EPHB1: variants seen among roughly 807,000 people sequenced by gnomAD.
The protein encoded by EPHB1 is ephrin type-B receptor 1.
A neutral mutation model predicts 94.4 loss-of-function variants in EPHB1; 30 were observed. That is an observed-to-expected ratio of 0.32 (90% CI 0.24 to 0.43). EPHB1 has a LOEUF of 0.43. Ranked by LOEUF, EPHB1 falls within the 20% of genes least tolerant of loss-of-function variation. EPHB1 has a pLI of 1.00. For synonymous variants in EPHB1, 522 were observed against 489.1 expected (o/e 1.07, Z -0.89); for missense variants, 1,055 against 1,308.3 (o/e 0.81, Z 2.99).
intron 3 of EPHB1, among the ~76,000 whole-genome samples, chr3:135,016,627 G>A (rs1418203819): frequency 6.6e-6 from 1 of 152,224 alleles, no homozygotes; most frequent in African/African-American, 2.4e-5. Flanking sequence ...GCCACCCAGT[G>A]CATCAGTCAT....
chr3:135,087,721 C>CA (rs954379464), intron 3 of EPHB1, among the ~76,000 whole-genome samples: 7 of 152,018 alleles, frequency 4.6e-5, no homozygotes, highest in African/African-American at 1.7e-4. Context: ...ATGCAAATAG[C>CA]AAAAAACTTA....
chr3:134,826,685 C>T (rs1462379176), intron 1 of EPHB1, among the ~76,000 whole-genome samples: 2 of 152,156 alleles, frequency 1.3e-5, no homozygotes, highest in South Asian at 4.1e-4. Context: ...AAATTAATCA[C>T]CCCCTTGTAG....
intron 11 of EPHB1, among the ~76,000 whole-genome samples, chr3:135,196,982 C>T (rs549440254): frequency 1.3e-4 from 20 of 151,866 alleles, no homozygotes; most frequent in Non-Finnish European, 2.2e-4. Flanking sequence ...TTCGGCTGGG[C>T]GCGGTGGCTC....
intron 4 of EPHB1, among the ~76,000 whole-genome samples, chr3:135,118,802 C>G (rs1312336145): frequency 6.6e-6 from 1 of 152,186 alleles, no homozygotes; most frequent in Non-Finnish European, 1.5e-5. Context: ...ACCGAGTATA[C>G]AGTTCCCCAT....
intron 3 of EPHB1, among the ~76,000 whole-genome samples, chr3:134,992,110 T>C (rs189138502): frequency 1.3e-5 from 2 of 152,182 alleles, no homozygotes; most frequent in African/African-American, 2.4e-5. Context: ...TTTCCTTTTT[T>C]AGTTTTTTAA....
chr3:134,894,340 G>A (rs1328726374), intron 1 of EPHB1, among the ~76,000 whole-genome samples: 1 of 152,128 alleles, frequency 6.6e-6, no homozygotes, highest in African/African-American at 2.4e-5. Flanking sequence ...CCCCTCTCTT[G>A]GGCCTCAGTT....
chr3:135,016,218 A>T (rs896655752), intron 3 of EPHB1, among the ~76,000 whole-genome samples: 1 of 152,228 alleles, frequency 6.6e-6, no homozygotes, highest in Non-Finnish European at 1.5e-5. Flanking sequence ...GGTTTGGGTC[A>T]CCTTAAAGTA....
chr3:134,933,731 C>G (rs1356950266), intron 2 of EPHB1, among the ~76,000 whole-genome samples: 3 of 152,164 alleles, frequency 2.0e-5, no homozygotes, highest in Non-Finnish European at 4.4e-5. Context: ...GATGCTGGCT[C>G]TCTTGCCAAC....
chr3:135,237,986 T>C (rs570681279), intron 12 of EPHB1, among the ~76,000 whole-genome samples: 1 of 152,188 alleles, frequency 6.6e-6, no homozygotes, highest in African/African-American at 2.4e-5. Context: ...CTGGTCACCA[T>C]CCTCTAAATT....
intron 2 of EPHB1, among the ~76,000 whole-genome samples, chr3:134,929,359 T>G (rs2038859575): frequency 6.6e-6 from 1 of 152,134 alleles, no homozygotes; most frequent in Non-Finnish European, 1.5e-5. Context: ...GAACTGCTAC[T>G]GAGAGCTGCA....
intron 3 of EPHB1, among the ~76,000 whole-genome samples, chr3:135,020,474 A>G (rs979070863): frequency 6.6e-6 from 1 of 152,218 alleles, no homozygotes; most frequent in Non-Finnish European, 1.5e-5. Context: ...TCCATTTGCC[A>G]TCTCTATGGA....
In EPHB1 at chr3:135,009,861, CT is replaced by C. The variant is rs1157920583; in HGVS notation, c.805+57815del. On this transcript the variant is annotated intron_variant, in intron 3 of 15. Transcript: ENST00000398015. ...CGTTTCTGATTATGCTTTTAAAGAA[CT>C]TTTTTGTGTGAAAATAGTAGACGCT... Among the ~76,000 whole-genome samples the C allele has an allele frequency of 2.0e-5, 3 of 152,160 alleles. No individual in the cohort carries two copies. The East Asian group carries it at 5.8e-4, about 29-fold the overall frequency.
At chr3:135,208,044 C>T (rs1001107984) in intron 12 of EPHB1, among the ~76,000 whole-genome samples, 1 of 152,156 alleles carries the variant, frequency 6.6e-6, no homozygotes, top group South Asian at 2.1e-4. Context: ...CATAAACATT[C>T]AATCTACAGC....
chr3:134,821,036 A>T (rs1283487054), intron 1 of EPHB1, among the ~76,000 whole-genome samples: 1 of 152,200 alleles, frequency 6.6e-6, no homozygotes, highest in Non-Finnish European at 1.5e-5. Context: ...CCTGAGAATC[A>T]TGAGTGCTAA....
chr3:135,089,680 G>T (rs182406992), intron 3 of EPHB1, among the ~76,000 whole-genome samples: 1 of 152,204 alleles, frequency 6.6e-6, no homozygotes, highest in Non-Finnish European at 1.5e-5. Flanking sequence ...GGGCATGAGA[G>T]GGAGCAATGT....
At chr3:134,799,758 GT>G (rs1196595194) in intron 1 of EPHB1, among the ~76,000 whole-genome samples, 1 of 152,138 alleles carries the variant, frequency 6.6e-6, no homozygotes, top group Admixed American at 6.5e-5. Context: ...CCCCTACTTT[GT>G]TTTTTCACAA....
At chr3:134,797,386 A>T (rs2035850368) in intron 1 of EPHB1, among the ~76,000 whole-genome samples, 1 of 152,184 alleles carries the variant, frequency 6.6e-6, no homozygotes, top group South Asian at 2.1e-4. Flanking sequence ...AGCCAGGGTG[A>T]GCGCATTTGC....
At chr3:135,257,979 G>A (rs1313230663) in intron 15 of EPHB1, among the ~76,000 whole-genome samples, 1 of 152,154 alleles carries the variant, frequency 6.6e-6, no homozygotes, top group East Asian at 1.9e-4. Context: ...CGATTTTCCA[G>A]GTGCCGTCCA....
intron 4 of EPHB1, among the ~76,000 whole-genome samples, chr3:135,119,273 A>T (rs1040793010): frequency 2.6e-5 from 4 of 151,782 alleles, no homozygotes; most frequent in African/African-American, 9.7e-5. Flanking sequence ...TTTATTTTTA[A>T]CTCTGTGGAT....
Sources: allele counts gnomAD v4.1 joint callset (sites outside exome capture counted in the v4.1 genomes callset), GRCh38; gene constraint gnomAD v4.1.1; transcripts MANE v1.5; gene names NCBI Gene and HGNC (gene_info 2026-07-23, HGNC 2026-07-21).